NKAIN2: variants seen among roughly 807,000 people sequenced by gnomAD.
NKAIN2 encodes the protein sodium/potassium-transporting ATPase subunit beta-1-interacting protein 2.
NKAIN2 carries 14 observed loss-of-function variants against 32.6 expected under a neutral mutation model. The observed-to-expected ratio is 0.43, with a 90% CI of 0.28 to 0.67. The LOEUF (loss-of-function observed/expected upper bound fraction) is 0.67, where lower values mean the gene tolerates loss of function less well. Ranked by LOEUF, NKAIN2 falls within the 30% of genes least tolerant of loss-of-function variation. The pLI is 0.17. For synonymous variants in NKAIN2, 80 were observed against 87.2 expected (o/e 0.92, Z 0.46); for missense variants, 198 against 258.3 (o/e 0.77, Z 1.60).
intron 4 of NKAIN2, among the ~76,000 whole-genome samples, chr6:124,716,249 A>T (rs935568295): frequency 1.3e-5 from 2 of 152,218 alleles, no homozygotes; most frequent in African/African-American, 4.8e-5. Flanking sequence ...TGCACCCACC[A>T]ACTTTGCAAA....
intron 4 of NKAIN2, among the ~76,000 whole-genome samples, chr6:124,661,837 AG>A: frequency 6.6e-6 from 1 of 152,362 alleles, no homozygotes; most frequent in East Asian, 1.9e-4. Context: ...GGGAGAGCCA[AG>A]GAGGAGATCA....
intron 5 of NKAIN2, among the ~76,000 whole-genome samples, chr6:124,802,890 G>C (rs1045621122): frequency 6.6e-6 from 1 of 152,150 alleles, no homozygotes; most frequent in Admixed American, 6.5e-5. Context: ...ATTAGCAAAA[G>C]CAATGGTGTT....
intron 4 of NKAIN2, among the ~76,000 whole-genome samples, chr6:124,776,954 T>A (rs1890179): frequency 6.6e-6 from 1 of 152,114 alleles, no homozygotes; most frequent in African/African-American, 2.4e-5. Flanking sequence ...TTATAGATAT[T>A]CAATTTAGAT....
chr6:123,951,236 C>T (rs1217833805), intron 1 of NKAIN2, among the ~76,000 whole-genome samples: 1 of 151,920 alleles, frequency 6.6e-6, no homozygotes, highest in Non-Finnish European at 1.5e-5. Context: ...TGTTCTGTGG[C>T]TGTTGGGTGA....
chr6:124,721,266 C>T (rs920298688), intron 4 of NKAIN2, among the ~76,000 whole-genome samples: 13 of 151,608 alleles, frequency 8.6e-5, no homozygotes, highest in Admixed American at 4.6e-4. Context: ...TAGCCGGGCG[C>T]AGTGGCGGGC....
chr6:124,437,149 C>T (rs943741625), intron 3 of NKAIN2, among the ~76,000 whole-genome samples: 8 of 152,170 alleles, frequency 5.3e-5, no homozygotes, highest in African/African-American at 1.9e-4. Context: ...CCAGGTGGCT[C>T]TGCTGTATTT....
At chr6:124,094,198 CTG>C (rs1784552077) in intron 1 of NKAIN2, among the ~76,000 whole-genome samples, 1 of 152,178 alleles carries the variant, frequency 6.6e-6, no homozygotes, top group Non-Finnish European at 1.5e-5. Context: ...TCCTAATGCA[CTG>C]TGACCTATAA....
intron 2 of NKAIN2, among the ~76,000 whole-genome samples, chr6:124,342,835 A>ATTATTATTATTATTG (rs1429792655): frequency 4.0e-4 from 60 of 149,924 alleles, no homozygotes; most frequent in East Asian, 3.4e-3. Flanking sequence ...TATTATTATT[A>ATTATTATTATTATTG]TTATTATTAT....
intron 1 of NKAIN2, among the ~76,000 whole-genome samples, chr6:124,129,129 G>A (rs549532296): frequency 2.1e-4 from 32 of 152,256 alleles, no homozygotes; most frequent in African/African-American, 6.7e-4. Context: ...TTGTCAGTAC[G>A]TTTTGGATTC....
At chr6:124,335,792 G>C (rs1381311821) in intron 2 of NKAIN2, among the ~76,000 whole-genome samples, 1 of 151,842 alleles carries the variant, frequency 6.6e-6, no homozygotes. Flanking sequence ...TTTCCAATGA[G>C]ACATCTAATA....
At chr6:124,462,102 A>C (rs1776554965) in intron 3 of NKAIN2, among the ~76,000 whole-genome samples, 1 of 151,852 alleles carries the variant, frequency 6.6e-6, no homozygotes, top group Non-Finnish European at 1.5e-5. Flanking sequence ...TTTGGAATAA[A>C]TCTATCTTCT....
rs112787338 is a variant in NKAIN2, at chr6:124,671,936, G to T, written c.474+13550G>T. 8.4e-3 allele frequency among the ~76,000 whole-genome samples: 1,280 copies of T among 151,926 alleles called. 26 individuals are homozygous for T. Among genetic ancestry groups the T allele is most frequent in the African/African-American group, 0.029 (1,223 of 41,472 alleles). ...GTCATTCTAAGTACAGAATGGGGCAGTTAGCTTTAATATTAGATTGGCCAC... is the reference window on the plus strand; with the variant it reads ...GTCATTCTAAGTACAGAATGGGGCATTTAGCTTTAATATTAGATTGGCCAC... On this transcript the variant is annotated intron_variant, in intron 4 of 6. Transcript: ENST00000368417.
intron 1 of NKAIN2, among the ~76,000 whole-genome samples, chr6:124,215,802 G>A (rs998558299): frequency 1.3e-5 from 2 of 152,116 alleles, no homozygotes; most frequent in Non-Finnish European, 2.9e-5. Flanking sequence ...AGAAACTAGA[G>A]GAACACCTCT....
chr6:124,253,892 G>A (rs528054659), intron 1 of NKAIN2, among the ~76,000 whole-genome samples: 30 of 138,766 alleles, frequency 2.2e-4, no homozygotes, highest in Non-Finnish European at 4.6e-4. Context: ...GAGTGTAGTT[G>A]CATAAACCTC....
At chr6:124,413,074 C>T (rs1481210883) in intron 3 of NKAIN2, among the ~76,000 whole-genome samples, 3 of 152,136 alleles carry the variant, frequency 2.0e-5, no homozygotes, top group African/African-American at 4.8e-5. Flanking sequence ...CTGTCTGTCA[C>T]CCCTTTCTTT....
intron 1 of NKAIN2, among the ~76,000 whole-genome samples, chr6:123,841,227 A>G (rs1046272603): frequency 6.6e-6 from 1 of 152,202 alleles, no homozygotes; most frequent in Non-Finnish European, 1.5e-5. Flanking sequence ...GGGAACTTTA[A>G]CATAGCTCTC....
rs1448972165 is a variant in NKAIN2 at position 123,951,877 on chromosome 6, TTTTC to T, written c.54+147635_54+147638del. ...GGTTATTTTATGTTTCTTTCCTTCC[TTTTC>T]TTTCTTTCTTTTTTTCCTTCCCATT... On this transcript the variant is annotated intron_variant, in intron 1 of 6. Transcript: ENST00000368417. Among the ~76,000 whole-genome samples, 5 of 152,104 alleles carry T rather than the reference TTTTC, an allele frequency of 3.3e-5. No homozygotes were observed. In the South Asian group the frequency reaches 8.3e-4, roughly 25 times the overall value.
intron 5 of NKAIN2, among the ~76,000 whole-genome samples, chr6:124,807,490 G>A (rs1270475388): frequency 6.6e-6 from 1 of 151,138 alleles, no homozygotes; most frequent in African/African-American, 2.4e-5. Context: ...ATTCAAAGCA[G>A]TGTGTAGAGG....
At chr6:124,668,793 A>T (rs1305295905) in intron 4 of NKAIN2, among the ~76,000 whole-genome samples, 1 of 152,162 alleles carries the variant, frequency 6.6e-6, no homozygotes, top group Non-Finnish European at 1.5e-5. Context: ...GTTGCTTACA[A>T]TTTAAAAATT....
Sources: gnomAD v4.1 joint callset for allele counts (sites outside exome capture counted in the v4.1 genomes callset) on GRCh38, gnomAD v4.1.1 for gene constraint, MANE v1.5 for transcripts, NCBI Gene and HGNC (gene_info 2026-07-23, HGNC 2026-07-21) for gene names.